ZDHHC17: variants seen among roughly 807,000 people sequenced by gnomAD.
The protein encoded by ZDHHC17 is palmitoyltransferase ZDHHC17.
Under a neutral mutation model 90.3 loss-of-function variants are expected in ZDHHC17, and 40 were observed. The ratio of observed to expected loss-of-function variants is 0.44; its 90% CI spans 0.34 to 0.58. ZDHHC17 has a LOEUF of 0.58. Ranked by LOEUF, ZDHHC17 falls within the 20% of genes least tolerant of loss-of-function variation. The pLI, the probability that ZDHHC17 is intolerant of heterozygous loss-of-function variation, is 0.01. For missense variants in ZDHHC17, 614 were observed against 780.8 expected (o/e 0.79, Z 2.55); for synonymous variants, 235 against 252.4 (o/e 0.93, Z 0.65).
At chr12:76,777,226 C>T (rs144948607) in intron 1 of ZDHHC17, among the ~76,000 whole-genome samples, 1 of 152,338 alleles carries the variant, frequency 6.6e-6, no homozygotes, top group East Asian at 1.9e-4. Context: ...CAATCACTAA[C>T]CTGTTCTCCA....
intron 9 of ZDHHC17, among the ~76,000 whole-genome samples, chr12:76,827,695 A>T (rs1296993084): frequency 6.6e-6 from 1 of 152,088 alleles, no homozygotes; most frequent in African/African-American, 2.4e-5. Flanking sequence ...TCTGAAAATA[A>T]TTCACACAGA....
At position 76,822,430 on chromosome 12, in the gene ZDHHC17, A is replaced by C; in HGVS notation, c.796A>C (p.Lys266Gln). The change falls in exon 8 of 17, where the codon AAA becomes CAA. Residue 266 changes from lysine to glutamine, a missense_variant. Lys to Gln is a moderately conservative substitution (Grantham distance 53, BLOSUM62 1). Coordinates refer to ENST00000426126, the MANE Select transcript of ZDHHC17 (RefSeq NM_015336.4). ...IKGESALDLA[K>Q]QRKNVWMINH... is the part of the protein sequence containing the mutation. Reference sequence around the variant, plus strand: ...GGGCGAATCAGCGCTTGATTTGGCAAAACAGAGAAAAAATGTGTGGATGAT... The same window carrying C: ...GGGCGAATCAGCGCTTGATTTGGCACAACAGAGAAAAAATGTGTGGATGAT... 6.2e-7 allele frequency: 1 copy of C among 1,613,964 alleles called. No homozygotes were observed. The highest frequency in any genetic ancestry group is 8.5e-7 in the Non-Finnish European group (1 of 1,179,880).
intron 2 of ZDHHC17, among the ~76,000 whole-genome samples, chr12:76,800,235 C>T (rs928063624): frequency 4.6e-5 from 7 of 152,114 alleles, no homozygotes; most frequent in South Asian, 2.1e-4. Flanking sequence ...TTATTTTGTT[C>T]GTAGTCTTCC....
intron 8 of ZDHHC17, among the ~76,000 whole-genome samples, chr12:76,825,656 G>T (rs892719418): frequency 6.8e-5 from 10 of 146,114 alleles, no homozygotes; most frequent in Non-Finnish European, 1.2e-4. Flanking sequence ...TGGTCAAATT[G>T]GGGAAGACAT....
At chr12:76,842,140 A>ACTGCCAGATTATCAGTATTTAC (rs1383217177) in intron 11 of ZDHHC17, 34 bp downstream of exon 11, 2 of 1,528,614 alleles carry the variant, frequency 1.3e-6, no homozygotes, top group African/African-American at 2.8e-5. Context: ...CTTGTATTTA[A>ACTGCCAGATTATCAGTATTTAC]CTGCCAGATT....
chr12:76,791,220 T>G (rs1235501610), intron 1 of ZDHHC17, among the ~76,000 whole-genome samples: 1 of 152,210 alleles, frequency 6.6e-6, no homozygotes, highest in African/African-American at 2.4e-5. Context: ...TTTTATGATT[T>G]TATAGGGGAA....
At chr12:76,815,241 G>A in intron 6 of ZDHHC17, 31 bp downstream of exon 6, 2 of 1,439,800 alleles carry the variant, frequency 1.4e-6, no homozygotes, top group Non-Finnish European at 1.9e-6. Context: ...ACTTATTTAG[G>A]CCATTTCAGC....
chr12:76,810,033 A>G (rs1295832716), intron 5 of ZDHHC17, among the ~76,000 whole-genome samples, 176 bp downstream of exon 5: 1 of 152,242 alleles, frequency 6.6e-6, no homozygotes, highest in African/African-American at 2.4e-5. Context: ...CATAAAAGCC[A>G]GCATGAAAAT....
chr12:76,840,724 C>T (rs1953425191), intron 10 of ZDHHC17, among the ~76,000 whole-genome samples: 1 of 152,174 alleles, frequency 6.6e-6, no homozygotes, highest in East Asian at 1.9e-4. Context: ...TACCTAATTT[C>T]TTTATCATTA....
Position 76,816,381 on chromosome 12 carries a change from G to A in ZDHHC17, c.771+362G>A, listed in dbSNP as rs899130583. ...ATCAGTAAACATTTTATTAATACAT[G>A]CAATAAGATTCTATTGCTAGTCTCA... On this transcript the variant is annotated intron_variant, in intron 7 of 16. Transcript: ENST00000426126. Among the ~76,000 whole-genome samples, 33 of 152,034 alleles carry A rather than the reference G, an allele frequency of 2.2e-4. 3 individuals carry two copies. Among genetic ancestry groups the A allele is most frequent in the Admixed American group, 2.2e-3 (33 of 15,256 alleles).
intron 1 of ZDHHC17, among the ~76,000 whole-genome samples, chr12:76,792,271 A>G (rs1274920279): frequency 1.3e-5 from 2 of 152,162 alleles, no homozygotes. Context: ...AATTTTAAGC[A>G]TTTTAGGAGC....
chr12:76,814,663 G>C (rs1953063094), intron 5 of ZDHHC17, among the ~76,000 whole-genome samples: 1 of 151,916 alleles, frequency 6.6e-6, no homozygotes, highest in Admixed American at 6.6e-5. Flanking sequence ...GCTTTAGTGT[G>C]TTGCTTTTTC....
At chr12:76,844,571 C>A (rs183765226) in intron 12 of ZDHHC17, 3 of 152,250 alleles carry the variant, frequency 2.0e-5, no homozygotes, top group African/African-American at 7.2e-5. Flanking sequence ...AGATTTTTGA[C>A]AGTGTTGCAG....
In ZDHHC17 at chr12:76,850,878, T is replaced by C; in HGVS notation, c.1792T>C (p.Phe598Leu). 1 of 1,614,020 alleles carries C rather than the reference T, an allele frequency of 6.2e-7. No individual in the cohort carries two copies. Among genetic ancestry groups the C allele is most frequent in the Non-Finnish European group, 8.5e-7 (1 of 1,179,886 alleles). ...HGCVRNIIDF[F>L]EFRCCGLFRP... ...ATGTGTAAGAAATATTATAGACTTCTTTGAATTTCGATGCTGTGGCCTCTT... is the reference window on the plus strand; with the variant it reads ...ATGTGTAAGAAATATTATAGACTTCCTTGAATTTCGATGCTGTGGCCTCTT... Residue 598 changes from phenylalanine to leucine, a missense_variant, in exon 17 of 17, where the codon TTT becomes CTT. Coordinates refer to ENST00000426126, the MANE Select transcript of ZDHHC17 (RefSeq NM_015336.4).
chr12:76,848,535 C>T (rs1450222012), intron 15 of ZDHHC17, 145 bp downstream of exon 15: 3 of 947,976 alleles, frequency 3.2e-6, no homozygotes, highest in Non-Finnish European at 4.5e-6. Context: ...TTCTACCTCA[C>T]TCTTTTGCCC....
chr12:76,780,887 C>T (rs1309623779), intron 1 of ZDHHC17, among the ~76,000 whole-genome samples: 6 of 151,880 alleles, frequency 4.0e-5, no homozygotes, highest in East Asian at 1.9e-4. Context: ...TTTGGGAGGC[C>T]GAGGTGGGTG....
chr12:76,833,501 C>A (rs937244524), intron 10 of ZDHHC17, among the ~76,000 whole-genome samples: 16 of 152,210 alleles, frequency 1.1e-4, no homozygotes, highest in South Asian at 6.2e-4. Flanking sequence ...TTTAAAAATA[C>A]CCTTTAATTG....
intron 1 of ZDHHC17, among the ~76,000 whole-genome samples, chr12:76,787,910 C>A (rs1226433608): frequency 6.6e-6 from 1 of 152,142 alleles, no homozygotes; most frequent in African/African-American, 2.4e-5. Context: ...GCAGTAACAA[C>A]CCTAAATTTC....
intron 7 of ZDHHC17, among the ~76,000 whole-genome samples, chr12:76,817,100 A>G (rs1953097711): frequency 6.6e-6 from 1 of 152,102 alleles, no homozygotes; most frequent in Admixed American, 6.6e-5. Context: ...GTTTTACCTA[A>G]GGTAGTTTTC....
Sources: allele counts gnomAD v4.1 joint callset (sites outside exome capture counted in the v4.1 genomes callset), GRCh38; gene constraint gnomAD v4.1.1; transcripts MANE v1.5; gene names NCBI Gene and HGNC (gene_info 2026-07-23, HGNC 2026-07-21).